The following SHROOM3 variants were observed in gnomAD, a reference collection of about 807,000 sequenced individuals.
SHROOM3 encodes shroom family member 3.
A neutral mutation model predicts 138.6 loss-of-function variants in SHROOM3; 47 were observed. The ratio of observed to expected loss-of-function variants is 0.34; its 90% CI spans 0.27 to 0.43. The LOEUF (loss-of-function observed/expected upper bound fraction) is 0.43, where lower values mean the gene tolerates loss of function less well. Ranked by LOEUF, SHROOM3 falls within the 20% of genes least tolerant of loss-of-function variation. The pLI, the probability that SHROOM3 is intolerant of heterozygous loss-of-function variation, is 1.00. For missense variants in SHROOM3, 2,491 were observed against 2,596.5 expected (o/e 0.96, Z 0.88); for synonymous variants, 1,062 against 1,063.3 (o/e 1.00, Z 0.02).
chr4:76,676,944 C>CAAAAAAA (rs58270392), intron 2 of SHROOM3, among the ~76,000 whole-genome samples: 11 of 79,004 alleles, frequency 1.4e-4, no homozygotes, highest in Admixed American at 4.0e-4. Context: ...CTCCGTCTCA[C>CAAAAAAA]AAAAAAAAAA....
At chr4:76,743,772 T>G (rs1391828581) in intron 5 of SHROOM3, among the ~76,000 whole-genome samples, 1 of 152,188 alleles carries the variant, frequency 6.6e-6, no homozygotes, top group African/African-American at 2.4e-5. Context: ...AGAGGCAACT[T>G]CCCATAAGCC....
rs1045083339 is a variant in SHROOM3 at position 76,694,888 on chromosome 4, A to T, written c.324-15268A>T. On this transcript the variant is annotated intron_variant, in intron 2 of 10. Coordinates refer to ENST00000296043, the MANE Select transcript of SHROOM3 (RefSeq NM_020859.4). ...GCAGGCACTGTTACTATCCCCTTTT[A>T]AAGGTGAGGAAACCAAAATCATAGG... is the stretch of plus-strand genomic sequence containing the variant. Among the ~76,000 whole-genome samples, 8 of 152,310 alleles carry T rather than the reference A, an allele frequency of 5.3e-5. No homozygotes were observed. The South Asian group carries it at 1.7e-3, about 32-fold the overall frequency.
At chr4:76,467,028 C>T (rs978454835) in intron 1 of SHROOM3, among the ~76,000 whole-genome samples, 2 of 147,646 alleles carry the variant, frequency 1.4e-5, no homozygotes, top group Non-Finnish European at 3.0e-5. Context: ...TCTTGGCCCT[C>T]CCCAGAACCC....
At chr4:76,723,781 G>A (rs1720619030) in intron 3 of SHROOM3, among the ~76,000 whole-genome samples, 1 of 152,150 alleles carries the variant, frequency 6.6e-6, no homozygotes, top group Admixed American at 6.5e-5. Context: ...TATCATAAAG[G>A]TAATATAAAG....
chr4:76,654,115 C>T (rs13114029), intron 2 of SHROOM3, among the ~76,000 whole-genome samples: 23 of 152,196 alleles, frequency 1.5e-4, no homozygotes, highest in South Asian at 4.1e-4. Flanking sequence ...AAAGCTTTCT[C>T]GAGTTGTCTG....
At chr4:76,672,049 C>T (rs1718898731) in intron 2 of SHROOM3, among the ~76,000 whole-genome samples, 2 of 152,034 alleles carry the variant, frequency 1.3e-5, no homozygotes, top group South Asian at 4.2e-4. Context: ...TATGTGATAC[C>T]ATAGCCCCCA....
chr4:76,696,464 T>C (rs1425559919), intron 2 of SHROOM3, among the ~76,000 whole-genome samples: 7 of 152,082 alleles, frequency 4.6e-5, no homozygotes, highest in African/African-American at 1.7e-4. Flanking sequence ...TGAAATGGGG[T>C]CACAGTCCAG....
At chr4:76,765,749 T>C (rs1450599883) in intron 9 of SHROOM3, among the ~76,000 whole-genome samples, 1 of 152,124 alleles carries the variant, frequency 6.6e-6, no homozygotes, top group Non-Finnish European at 1.5e-5. Context: ...GCACAAAAAA[T>C]ATAATTAGAA....
At chr4:76,676,697 G>A (rs1423782831) in intron 2 of SHROOM3, among the ~76,000 whole-genome samples, 2 of 152,006 alleles carry the variant, frequency 1.3e-5, no homozygotes, top group African/African-American at 4.8e-5. Flanking sequence ...GTAATTATTC[G>A]ACTCATTAAA....
chr4:76,643,929 C>T (rs368616836), intron 2 of SHROOM3, among the ~76,000 whole-genome samples: 16 of 151,882 alleles, frequency 1.1e-4, no homozygotes, highest in African/African-American at 2.9e-4. Context: ...ACTGCAACCT[C>T]GATTTCCTGG....
intron 10 of SHROOM3, among the ~76,000 whole-genome samples, chr4:76,776,354 T>C (rs1483663977): frequency 6.6e-6 from 1 of 152,246 alleles, no homozygotes; most frequent in East Asian, 1.9e-4. Flanking sequence ...TAGTTCTTTG[T>C]TGGATACATA....
At chr4:76,623,297 A>G (rs1345390401) in intron 2 of SHROOM3, among the ~76,000 whole-genome samples, 3 of 152,228 alleles carry the variant, frequency 2.0e-5, no homozygotes, top group African/African-American at 7.2e-5. Context: ...CTGATCCCTT[A>G]GTATACCAGT....
intron 3 of SHROOM3, chr4:76,716,358 G>A: frequency 1.9e-6 from 1 of 518,886 alleles, no homozygotes; most frequent in Non-Finnish European, 3.8e-6. Context: ...GACTGAATAT[G>A]ACATCCAATT....
At chr4:76,667,232 A>G (rs962306614) in intron 2 of SHROOM3, among the ~76,000 whole-genome samples, 1 of 152,206 alleles carries the variant, frequency 6.6e-6, no homozygotes, top group Non-Finnish European at 1.5e-5. Context: ...GTTGCACAAC[A>G]GCATGAATAT....
rs1255157989 is a variant in SHROOM3 at position 76,756,897 on chromosome 4, A to G, written c.5158A>G (p.Ile1720Val). The part of the protein sequence containing the change: ...LKENSVKRKA[I>V]QRTVSSSGCE... Reference sequence around the variant, plus strand: ...GGAAAACAGTGTAAAGAGGAAGGCCATACAGAGAACTGTCAGCTCTTCAGG... The same window carrying G: ...GGAAAACAGTGTAAAGAGGAAGGCCGTACAGAGAACTGTCAGCTCTTCAGG... The change falls in exon 8 of 11, where the codon ATA becomes GTA. Residue 1720 changes from isoleucine (I) to valine (V), a missense_variant. This residue lies in a region of SHROOM3 where 470 missense variants were observed against 595.0 expected (regional missense o/e 0.79). Coordinates refer to ENST00000296043, the MANE Select transcript of SHROOM3 (RefSeq NM_020859.4). 22 of 1,614,046 alleles carry G rather than the reference A, an allele frequency of 1.4e-5. No homozygotes were observed. Among genetic ancestry groups the G allele is most frequent in the African/African-American group, 2.7e-5 (2 of 74,934 alleles).
chr4:76,631,817 G>A (rs1735332604), intron 2 of SHROOM3, among the ~76,000 whole-genome samples: 1 of 152,178 alleles, frequency 6.6e-6, no homozygotes, highest in Non-Finnish European at 1.5e-5. Context: ...AGGAAATAGA[G>A]TCAATGAGGG....
At chr4:76,735,890 T>A (rs1016883900) in intron 4 of SHROOM3, among the ~76,000 whole-genome samples, 2 of 127,084 alleles carry the variant, frequency 1.6e-5, no homozygotes, top group East Asian at 2.5e-4. Context: ...TATATATATA[T>A]ATATATATAT....
At chr4:76,460,464 T>C (rs533273373) in intron 1 of SHROOM3, among the ~76,000 whole-genome samples, 1 of 152,290 alleles carries the variant, frequency 6.6e-6, no homozygotes, top group Admixed American at 6.5e-5. Context: ...CCATCGGTTG[T>C]TTATTAGTTT....
chr4:76,529,470 C>G lies in SHROOM3; in HGVS notation c.169-26139C>G, dbSNP rs374320138. On this transcript the variant is annotated intron_variant, in intron 1 of 10. Transcript: ENST00000296043. Reference sequence around the variant, plus strand: ...TAGCTGGGACTACAGGCTCCCGCCACCACACCCAGCTAATTTTTTGTGTAT... The same window carrying G: ...TAGCTGGGACTACAGGCTCCCGCCAGCACACCCAGCTAATTTTTTGTGTAT... Among the ~76,000 whole-genome samples the G allele has an allele frequency of 2.1e-4, 32 of 152,266 alleles. No homozygotes were observed. The East Asian group carries it at 3.9e-3, about 18-fold the overall frequency.
Sources: allele counts gnomAD v4.1 joint callset (sites outside exome capture counted in the v4.1 genomes callset), GRCh38; gene constraint gnomAD v4.1.1; regional missense constraint gnomAD v4.1.1; transcripts MANE v1.5; gene names NCBI Gene and HGNC (gene_info 2026-07-23, HGNC 2026-07-21).